AKAP13: variants seen among roughly 807,000 people sequenced by gnomAD.
AKAP13 encodes A-kinase anchoring protein 13, also known as A-kinase anchor protein 13.
Under a neutral mutation model 264.5 loss-of-function variants are expected in AKAP13, and 80 were observed. The observed-to-expected ratio is 0.30, with a 90% confidence interval of 0.25 to 0.36. The LOEUF is 0.36. AKAP13 is among the 10% of genes least tolerant of loss of function. AKAP13 has a pLI of 1.00. For missense variants in AKAP13, 3,712 were observed against 3,435.2 expected (o/e 1.08, Z -2.01); for synonymous variants, 1,380 against 1,250.2 (o/e 1.10, Z -2.19).
intron 3 of AKAP13, among the ~76,000 whole-genome samples, chr15:85,525,153 G>T (rs1234885247): frequency 6.7e-6 from 1 of 149,344 alleles, no homozygotes; most frequent in Non-Finnish European, 1.5e-5. Context: ...CCGCCTCTTG[G>T]GTTCACGCCA....
At chr15:85,573,386 A>C (rs1209380098) in intron 5 of AKAP13, among the ~76,000 whole-genome samples, 1 of 152,078 alleles carries the variant, frequency 6.6e-6, no homozygotes, top group Non-Finnish European at 1.5e-5. Context: ...TCTACTAAAA[A>C]TACAAAAAAA....
At chr15:85,409,184 T>A (rs1370594568) in intron 1 of AKAP13, among the ~76,000 whole-genome samples, 1 of 151,816 alleles carries the variant, frequency 6.6e-6, no homozygotes, top group Non-Finnish European at 1.5e-5. Context: ...TATTTTAATT[T>A]AATTATTTTT....
At position 85,748,245 on chromosome 15, in the gene AKAP13, A is replaced by C. The variant is rs970602383; in HGVS notation, c.*3568A>C. On this transcript the variant is annotated 3_prime_UTR_variant, in exon 37 of 37. Coordinates refer to ENST00000394518, the MANE Select transcript of AKAP13 (RefSeq NM_007200.5). The stretch of plus-strand genomic sequence containing the variant: ...GCCCTGGGAGGGAGTTTAGAAAGAC[A>C]GTCCTGGTGAATGGGCTTCAAGTGG... The C allele has an allele frequency of 6.6e-6, 1 of 152,322 alleles. No homozygotes were observed. The highest frequency in any genetic ancestry group is 1.5e-5 in the Non-Finnish European group (1 of 68,112). The allele number at this position is 152,322 out of a possible 1,614,324, so 9.4% of individuals were successfully genotyped here.
intron 8 of AKAP13, among the ~76,000 whole-genome samples, chr15:85,586,357 C>T (rs569137166): frequency 3.5e-4 from 53 of 152,048 alleles, no homozygotes; most frequent in Non-Finnish European, 6.3e-4. Flanking sequence ...CAGGCATGCG[C>T]CACCATGACT....
chr15:85,505,830 T>C (rs2076205244), intron 2 of AKAP13, among the ~76,000 whole-genome samples: 1 of 152,194 alleles, frequency 6.6e-6, no homozygotes, highest in South Asian at 2.1e-4. Flanking sequence ...TAAATAAGGG[T>C]GAAGCTGTTA....
intron 35 of AKAP13, among the ~76,000 whole-genome samples, chr15:85,742,843 G>A (rs2089136429): frequency 6.6e-6 from 1 of 152,158 alleles, no homozygotes; most frequent in Non-Finnish European, 1.5e-5. Context: ...CAGGGTAGGG[G>A]GCAGTTGTAG....
At chr15:85,570,017 C>T (rs908318688) in intron 5 of AKAP13, among the ~76,000 whole-genome samples, 3 of 126,022 alleles carry the variant, frequency 2.4e-5, no homozygotes, top group Non-Finnish European at 3.2e-5. Flanking sequence ...GCGGAGCTTG[C>T]GGTGAGCCGA....
intron 1 of AKAP13, among the ~76,000 whole-genome samples, chr15:85,447,986 C>T (rs2073957430): frequency 6.6e-6 from 1 of 152,156 alleles, no homozygotes; most frequent in Non-Finnish European, 1.5e-5. Flanking sequence ...ACCAACTCAC[C>T]AGCAGTGTAT....
At chr15:85,499,287 AT>A (rs781301843) in intron 2 of AKAP13, among the ~76,000 whole-genome samples, 1 of 152,106 alleles carries the variant, frequency 6.6e-6, no homozygotes, top group Non-Finnish European at 1.5e-5. Flanking sequence ...AGCACTTCAC[AT>A]TTTTTTCATG....
chr15:85,735,615 T>G lies in AKAP13; in HGVS notation c.7497T>G (p.Asp2499Glu). Reference protein sequence around the residue: ...DGQDLRRTESDSGLKKGGNAN... With the variant: ...DGQDLRRTESESGLKKGGNAN... ...AAGATCTTAGGAGAACGGAATCAGA[T>G]AGTGGCCTAAAAAAGGTATTTCTCT... The change falls in exon 32 of 37, where the codon GAT (aspartate) becomes GAG (glutamate). Residue 2499 changes from aspartate to glutamate, a missense_variant. Coordinates refer to ENST00000394518, the MANE Select transcript of AKAP13 (RefSeq NM_007200.5). The G allele has an allele frequency of 6.2e-7, 1 of 1,613,124 alleles. No individual in the cohort carries two copies. Among genetic ancestry groups the G allele is most frequent in the South Asian group, 1.1e-5 (1 of 90,664 alleles).
intron 3 of AKAP13, among the ~76,000 whole-genome samples, chr15:85,527,229 C>A (rs538368149): frequency 6.6e-6 from 1 of 152,250 alleles, no homozygotes; most frequent in East Asian, 1.9e-4. Flanking sequence ...TCCCACAGTG[C>A]TGGGATTACA....
chr15:85,713,200 T>A (rs1024792735), intron 19 of AKAP13, among the ~76,000 whole-genome samples: 1 of 152,184 alleles, frequency 6.6e-6, no homozygotes, highest in South Asian at 2.1e-4. Context: ...AAAGCTGTTA[T>A]TTTCTTCCCC....
At chr15:85,415,350 G>C in intron 1 of AKAP13, 1 of 1,578,364 alleles carries the variant, frequency 6.3e-7, no homozygotes, top group Non-Finnish European at 8.7e-7. Flanking sequence ...AGCCAAGCCA[G>C]ATTGTATCAT....
At chr15:85,526,423 CCAT>C (rs2077045071) in intron 3 of AKAP13, among the ~76,000 whole-genome samples, 1 of 149,248 alleles carries the variant, frequency 6.7e-6, no homozygotes, top group African/African-American at 2.5e-5. Context: ...GTGTGTGTGT[CCAT>C]CATAAGTGGC....
Position 85,722,172 on chromosome 15 carries a change from C to G in AKAP13, c.6378+56C>G, listed in dbSNP as rs930693416. ...ATTGTTGAGAGCCATGTGTCCCTGT[C>G]GGCTTTCACTAGAGCCTTTTTCATG... On this transcript the variant is annotated intron_variant, in intron 24 of 36. Coordinates refer to ENST00000394518, the MANE Select transcript of AKAP13 (RefSeq NM_007200.5). 4 of 1,610,520 alleles carry G rather than the reference C, an allele frequency of 2.5e-6. No homozygotes were observed. The South Asian group carries it at 4.4e-5, about 18-fold the overall frequency.
intron 14 of AKAP13, among the ~76,000 whole-genome samples, chr15:85,670,382 A>G (rs1034342332): frequency 6.6e-6 from 1 of 151,866 alleles, no homozygotes; most frequent in African/African-American, 2.4e-5. Flanking sequence ...GGTACCATAT[A>G]CTGGCCTTCT....
chr15:85,398,980 T>C (rs983966050), intron 1 of AKAP13, among the ~76,000 whole-genome samples: 9 of 152,204 alleles, frequency 5.9e-5, no homozygotes, highest in Non-Finnish European at 1.2e-4. Context: ...TATGCTATTA[T>C]AAACATTGCT....
chr15:85,403,598 T>G (rs2071525038), intron 1 of AKAP13, among the ~76,000 whole-genome samples: 1 of 152,100 alleles, frequency 6.6e-6, no homozygotes, highest in Non-Finnish European at 1.5e-5. Context: ...CCCAGCCCTT[T>G]GGGAAGCTGA....
At chr15:85,497,545 C>T (rs2075906425) in intron 2 of AKAP13, among the ~76,000 whole-genome samples, 1 of 152,144 alleles carries the variant, frequency 6.6e-6, no homozygotes, top group Non-Finnish European at 1.5e-5. Context: ...TGGGGAGAGA[C>T]TTTGCTTGAC....
Sources: allele counts gnomAD v4.1 joint callset (sites outside exome capture counted in the v4.1 genomes callset), GRCh38; gene constraint gnomAD v4.1.1; transcripts MANE v1.5; gene names NCBI Gene and HGNC (gene_info 2026-07-23, HGNC 2026-07-21).